Variants in CNTNAP2 observed in about 807,000 individuals in gnomAD.
CNTNAP2 encodes contactin associated protein 2.
In CNTNAP2, 98 loss-of-function variants were observed where a neutral mutation model predicts 155.2. The observed-to-expected ratio is 0.63, with a 90% CI of 0.54 to 0.75. CNTNAP2 has a LOEUF of 0.75. Among genes scored for constraint, CNTNAP2 ranks in the 30% least tolerant of loss-of-function variants. The pLI is 0.00. For missense variants in CNTNAP2, 1,727 were observed against 1,688.1 expected, an observed-to-expected ratio of 1.02 and a Z score of -0.40; for synonymous variants, 651 against 631.2, an observed-to-expected ratio of 1.03 and a Z score of -0.47.
chr7:146,658,209 T>G (rs918547246), intron 1 of CNTNAP2, among the ~76,000 whole-genome samples: 5 of 152,140 alleles, frequency 3.3e-5, no homozygotes, highest in African/African-American at 1.2e-4. Context: ...TATTCAACAT[T>G]CTTGCAATAT....
chr7:148,336,379 A>G (rs1798114953), intron 21 of CNTNAP2, among the ~76,000 whole-genome samples: 1 of 152,126 alleles, frequency 6.6e-6, no homozygotes, highest in Non-Finnish European at 1.5e-5. Context: ...CTGAAAATAT[A>G]TAGCAGTTGA....
chr7:147,995,368 C>G (rs554128742), intron 15 of CNTNAP2, among the ~76,000 whole-genome samples: 1 of 152,058 alleles, frequency 6.6e-6, no homozygotes, highest in South Asian at 2.1e-4. Context: ...TCCCCTGCTC[C>G]CCAAACCCTT....
intron 3 of CNTNAP2, among the ~76,000 whole-genome samples, chr7:146,944,081 G>A (rs768883300): frequency 6.6e-6 from 1 of 151,392 alleles, no homozygotes; most frequent in Middle Eastern, 3.2e-3. Context: ...TGATAAATTT[G>A]AACTTTTCAT....
chr7:147,958,891 T>A (rs1050196797), intron 14 of CNTNAP2, among the ~76,000 whole-genome samples: 1 of 152,132 alleles, frequency 6.6e-6, no homozygotes, highest in Non-Finnish European at 1.5e-5. Flanking sequence ...AATACAGATT[T>A]TTTTGCAGTA....
chr7:146,231,027 T>TAAATAAATAAATAAATAAAC (rs2116913125), intron 1 of CNTNAP2, among the ~76,000 whole-genome samples: 1 of 117,372 alleles, frequency 8.5e-6, no homozygotes, highest in African/African-American at 2.9e-5. Flanking sequence ...AATAAATAAA[T>TAAATAAATAAATAAATAAAC]AAATAAATAA....
chr7:148,241,374 A>G lies in CNTNAP2; in HGVS notation c.3381+11595A>G, dbSNP rs145235046. ...TTGGGACTATGGTTTCTTTCCATTG[A>G]TTTGTAGTTCAACCCATTAAGCATA... On this transcript the variant is annotated intron_variant, in intron 20 of 23. Transcript: ENST00000361727. 3.3e-3 allele frequency among the ~76,000 whole-genome samples: 510 copies of G among 152,280 alleles called. 1 individual carries two copies. The highest frequency in any genetic ancestry group is 0.011 in the African/African-American group (467 of 41,562).
intron 1 of CNTNAP2, among the ~76,000 whole-genome samples, chr7:146,155,730 G>T (rs117488841): frequency 6.6e-6 from 1 of 150,592 alleles, no homozygotes; most frequent in Non-Finnish European, 1.5e-5. Flanking sequence ...ATGGAGTCTC[G>T]CTCTTGTCGC....
chr7:148,174,261 G>A (rs1009126641), intron 18 of CNTNAP2, among the ~76,000 whole-genome samples: 4 of 152,184 alleles, frequency 2.6e-5, no homozygotes, highest in Non-Finnish European at 4.4e-5. Context: ...GAATGACAGT[G>A]GAACTGTTTC....
chr7:147,025,854 T>G (rs549452791), intron 3 of CNTNAP2, among the ~76,000 whole-genome samples: 209 of 140,630 alleles, frequency 1.5e-3, no homozygotes, highest in African/African-American at 5.2e-3. Flanking sequence ...TGCTGTTGTT[T>G]TTTTTTTTTT....
chr7:147,384,274 A>T (rs1796591859), intron 9 of CNTNAP2, among the ~76,000 whole-genome samples: 1 of 152,242 alleles, frequency 6.6e-6, no homozygotes, highest in Non-Finnish European at 1.5e-5. Flanking sequence ...AGTATATATT[A>T]CAGAAAAAGT....
chr7:147,878,208 G>T (rs1585006399), intron 13 of CNTNAP2, among the ~76,000 whole-genome samples: 2 of 150,128 alleles, frequency 1.3e-5, no homozygotes, highest in South Asian at 4.2e-4. Flanking sequence ...ATTACTCATT[G>T]GAAAATTATC....
rs149335116 is a variant in CNTNAP2, at chr7:146,829,349, A to G, written c.209-10362A>G. Among the ~76,000 whole-genome samples the G allele has an allele frequency of 2.3e-3, 349 of 152,150 alleles. 2 individuals carry two copies. Among genetic ancestry groups the G allele is most frequent in the African/African-American group, 7.8e-3 (326 of 41,568 alleles). Reference sequence around the variant, plus strand: ...TCAGCACTGTAAAAAAAAAAGTTCTAATAACTTTTGTTAGTGTAGTCTGCA... The same window carrying G: ...TCAGCACTGTAAAAAAAAAAGTTCTGATAACTTTTGTTAGTGTAGTCTGCA... On this transcript the variant is annotated intron_variant, in intron 2 of 23. Coordinates refer to ENST00000361727, the MANE Select transcript of CNTNAP2 (RefSeq NM_014141.6).
At chr7:147,437,031 C>G (rs1797560217) in intron 10 of CNTNAP2, among the ~76,000 whole-genome samples, 1 of 151,536 alleles carries the variant, frequency 6.6e-6, no homozygotes, top group South Asian at 2.1e-4. Context: ...AGGAGGAAGC[C>G]TGTATAAAGT....
At chr7:146,246,193 C>A (rs11770227) in intron 1 of CNTNAP2, among the ~76,000 whole-genome samples, 1 of 150,898 alleles carries the variant, frequency 6.6e-6, no homozygotes, top group Non-Finnish European at 1.5e-5. Flanking sequence ...CATGATCGGT[C>A]GCCAAGGAGG....
intron 15 of CNTNAP2, among the ~76,000 whole-genome samples, chr7:148,039,784 C>T (rs73468148): frequency 0.015 from 2,230 of 152,284 alleles, 72 homozygotes; most frequent in African/African-American, 0.05. Context: ...GAACCCTCTG[C>T]TTTCTCATCT....
At chr7:148,321,156 A>C (rs1168944265) in intron 21 of CNTNAP2, among the ~76,000 whole-genome samples, 1 of 152,260 alleles carries the variant, frequency 6.6e-6, no homozygotes, top group African/African-American at 2.4e-5. Context: ...ACGAAGAACC[A>C]GGTTAAGGAA....
intron 10 of CNTNAP2, among the ~76,000 whole-genome samples, chr7:147,425,013 G>T (rs1479517133): frequency 6.6e-6 from 1 of 151,992 alleles, no homozygotes; most frequent in Non-Finnish European, 1.5e-5. Flanking sequence ...TGATCTTCCT[G>T]CTTTCACCCA....
At chr7:147,340,541 G>T (rs558667974) in intron 9 of CNTNAP2, among the ~76,000 whole-genome samples, 15 of 152,190 alleles carry the variant, frequency 9.9e-5, no homozygotes, top group Middle Eastern at 6.8e-3. Context: ...TCGTGGACAT[G>T]TTCAACTCAT....
chr7:146,850,550 T>C (rs1794859620), intron 3 of CNTNAP2, among the ~76,000 whole-genome samples: 1 of 152,170 alleles, frequency 6.6e-6, no homozygotes, highest in Non-Finnish European at 1.5e-5. Context: ...TGTGAGGATA[T>C]AGATTATTAT....
Sources: gnomAD v4.1 joint callset for allele counts (sites outside exome capture counted in the v4.1 genomes callset) on GRCh38, gnomAD v4.1.1 for gene constraint, MANE v1.5 for transcripts, NCBI Gene and HGNC (gene_info 2026-07-23, HGNC 2026-07-21) for gene names.